The following SYNPO2 variants were observed in gnomAD, a reference collection of about 807,000 sequenced individuals.
SYNPO2 encodes the protein synaptopodin-2.
In SYNPO2, 56 loss-of-function variants were observed where a neutral mutation model predicts 85.0. The observed-to-expected ratio is 0.66, with a 90% confidence interval of 0.53 to 0.82. The LOEUF (loss-of-function observed/expected upper bound fraction) is 0.82. Among genes scored for constraint, SYNPO2 ranks in the 40% least tolerant of loss-of-function variants. The pLI, the probability that SYNPO2 is intolerant of heterozygous loss-of-function variation, is 0.00. For missense variants in SYNPO2, 1,575 were observed against 1,534.2 expected, an observed-to-expected ratio of 1.03 and a Z score of -0.44; for synonymous variants, 602 against 591.1, an observed-to-expected ratio of 1.02 and a Z score of -0.27.
chr4:118,931,980 A>G (rs566925458), intron 1 of SYNPO2, among the ~76,000 whole-genome samples: 1 of 152,208 alleles, frequency 6.6e-6, no homozygotes, highest in South Asian at 2.1e-4. Flanking sequence ...CTTGTTTTAA[A>G]CTCTGTTCAT....
At chr4:119,053,253 A>T (rs1453850454) in intron 4 of SYNPO2, among the ~76,000 whole-genome samples, 1 of 152,246 alleles carries the variant, frequency 6.6e-6, no homozygotes, top group African/African-American at 2.4e-5. Flanking sequence ...GAAATACATT[A>T]AAATTAGAAG....
chr4:118,959,828 G>A (rs60527680), intron 1 of SYNPO2, among the ~76,000 whole-genome samples: 34 of 107,210 alleles, frequency 3.2e-4, no homozygotes, highest in African/African-American at 8.3e-4. Context: ...TGTCTCCCTC[G>A]GTGTAGTACA....
intron 1 of SYNPO2, among the ~76,000 whole-genome samples, chr4:118,921,674 A>G (rs1288975549): frequency 6.6e-6 from 1 of 152,122 alleles, no homozygotes; most frequent in Non-Finnish European, 1.5e-5. Context: ...GGAAAAATAG[A>G]TCCTTTATTA....
intron 1 of SYNPO2, among the ~76,000 whole-genome samples, chr4:118,861,626 C>T (rs991525564): frequency 4.6e-5 from 7 of 152,210 alleles, no homozygotes; most frequent in African/African-American, 1.7e-4. Context: ...ATGTTCTTGA[C>T]ACCTTTGTCG....
Position 118,888,998 on chromosome 4 carries a change from C to CT in SYNPO2, c.-38dup. The CT allele has an allele frequency of 6.2e-7, 1 of 1,604,740 alleles. No homozygotes were observed. Among genetic ancestry groups the CT allele is most frequent in the Non-Finnish European group, 8.5e-7 (1 of 1,172,354 alleles). On this transcript the variant is annotated 5_prime_UTR_variant, in exon 1 of 5. Transcript: ENST00000307142. ...TCTACCGCACCCAAGCTTCGTCTGT[C>CT]TCGTCAAGCTCTTCATGCTGCCCAA... is the stretch of plus-strand genomic sequence containing the variant.
At chr4:118,912,724 T>G (rs1275180877) in intron 1 of SYNPO2, among the ~76,000 whole-genome samples, 1 of 152,154 alleles carries the variant, frequency 6.6e-6, no homozygotes, top group Non-Finnish European at 1.5e-5. Flanking sequence ...ATTTAAATAA[T>G]TATATTTTAA....
chr4:119,028,984 AT>A (rs1428630700), intron 3 of SYNPO2, among the ~76,000 whole-genome samples: 3 of 151,852 alleles, frequency 2.0e-5, no homozygotes, highest in Admixed American at 2.0e-4. Context: ...TAAAAATCAT[AT>A]TCTTGTTTTA....
chr4:119,036,419 A>T, intron 4 of SYNPO2: 2 of 985,436 alleles, frequency 2.0e-6, no homozygotes, highest in Admixed American at 6.1e-5. Flanking sequence ...GGACACAAAG[A>T]TGCCTGTGAC....
At chr4:119,028,708 T>A (rs922854210) in intron 3 of SYNPO2, among the ~76,000 whole-genome samples, 1 of 151,922 alleles carries the variant, frequency 6.6e-6, no homozygotes, top group Non-Finnish European at 1.5e-5. Context: ...ATATTTTATT[T>A]AAAAAAAATT....
At chr4:118,860,826 A>G (rs1207858280) in intron 1 of SYNPO2, among the ~76,000 whole-genome samples, 1 of 152,176 alleles carries the variant, frequency 6.6e-6, no homozygotes, top group South Asian at 2.1e-4. Context: ...AAGTGCTGGA[A>G]TTACAGACAT....
At chr4:119,017,007 C>G (rs1737549842) in intron 1 of SYNPO2, among the ~76,000 whole-genome samples, 2 of 152,012 alleles carry the variant, frequency 1.3e-5, no homozygotes, top group Non-Finnish European at 2.9e-5. Flanking sequence ...AGACAATTAT[C>G]CAAAAGAAAA....
intron 1 of SYNPO2, among the ~76,000 whole-genome samples, chr4:118,890,217 C>T (rs74690384): frequency 0.022 from 3,271 of 150,544 alleles, 45 homozygotes; most frequent in African/African-American, 0.024. Flanking sequence ...CTTTGAAACT[C>T]CTTTTTGCTT....
chr4:118,972,367 C>A (rs1735571741), intron 1 of SYNPO2, among the ~76,000 whole-genome samples: 1 of 151,960 alleles, frequency 6.6e-6, no homozygotes, highest in African/African-American at 2.4e-5. Flanking sequence ...TGGCTTCAGT[C>A]CAGGAGGTGG....
intron 1 of SYNPO2, among the ~76,000 whole-genome samples, chr4:118,991,745 G>T (rs1183020388): frequency 6.6e-6 from 1 of 152,178 alleles, no homozygotes; most frequent in Admixed American, 6.5e-5. Context: ...GTACTTAGAG[G>T]GAAAGGGGCT....
At chr4:118,973,853 A>C (rs555943630) in intron 1 of SYNPO2, among the ~76,000 whole-genome samples, 2 of 152,358 alleles carry the variant, frequency 1.3e-5, no homozygotes, top group East Asian at 3.9e-4. Context: ...GCCACTGGAC[A>C]TAAAACCTAA....
chr4:118,957,368 C>T (rs1012880819), intron 1 of SYNPO2, among the ~76,000 whole-genome samples: 3 of 152,200 alleles, frequency 2.0e-5, no homozygotes, highest in Non-Finnish European at 4.4e-5. Context: ...GCACATCTCA[C>T]TGGTCTTTGG....
intron 1 of SYNPO2, among the ~76,000 whole-genome samples, chr4:118,965,157 A>G (rs1446555872): frequency 1.3e-5 from 2 of 152,164 alleles, no homozygotes; most frequent in Middle Eastern, 3.2e-3. Flanking sequence ...CAAAGCAATC[A>G]TAAAAACCAA....
chr4:118,923,461 C>T (rs765600078), intron 1 of SYNPO2, among the ~76,000 whole-genome samples: 4 of 151,874 alleles, frequency 2.6e-5, no homozygotes, highest in Admixed American at 2.0e-4. Context: ...ATTACCTGGG[C>T]GATGATATAA....
chr4:118,972,742 T>C (rs1486350990), intron 1 of SYNPO2, among the ~76,000 whole-genome samples: 5 of 152,168 alleles, frequency 3.3e-5, no homozygotes, highest in Non-Finnish European at 5.9e-5. Context: ...AAGTTATACA[T>C]CTCTAAGTTT....
Sources: gnomAD v4.1 joint callset for allele counts (sites outside exome capture counted in the v4.1 genomes callset) on GRCh38, gnomAD v4.1.1 for gene constraint, MANE v1.5 for transcripts, NCBI Gene and HGNC (gene_info 2026-07-23, HGNC 2026-07-21) for gene names.